Variants in CFAP61 observed in about 807,000 individuals in gnomAD.
CFAP61 encodes the protein cilia and flagella associated protein 61, also known as cilia- and flagella-associated protein 61.
Under a neutral mutation model 135.6 loss-of-function variants are expected in CFAP61, and 107 were observed. The ratio of observed to expected loss-of-function variants is 0.79; its 90% CI spans 0.67 to 0.93. CFAP61 has a LOEUF of 0.93. Ranked by LOEUF, CFAP61 falls within the 40% of genes least tolerant of loss-of-function variation. The probability of loss-of-function intolerance (pLI) is 0.00; values close to 1 mark genes in which losing one functional copy is unlikely to be tolerated. For synonymous variants in CFAP61, 575 were observed against 578.5 expected, an observed-to-expected ratio of 0.99 and a Z score of 0.09; for missense variants, 1,507 against 1,556.2, an observed-to-expected ratio of 0.97 and a Z score of 0.53.
intron 25 of CFAP61, among the ~76,000 whole-genome samples, chr20:20,315,873 C>A (rs1269887914): frequency 6.6e-6 from 1 of 152,128 alleles, no homozygotes; most frequent in Non-Finnish European, 1.5e-5. Flanking sequence ...TTTCTGAGGG[C>A]TCTGTTCTGT....
chr20:20,126,765 T>C (rs910638462), intron 8 of CFAP61, among the ~76,000 whole-genome samples: 1 of 151,920 alleles, frequency 6.6e-6, no homozygotes, highest in African/African-American at 2.4e-5. Flanking sequence ...TCCAGGTCTC[T>C]AGCAAGGCTG....
intron 17 of CFAP61, among the ~76,000 whole-genome samples, chr20:20,211,340 G>A (rs188348780): frequency 1.3e-5 from 2 of 152,328 alleles, no homozygotes; most frequent in Admixed American, 1.3e-4. Flanking sequence ...ACAGTCCTCA[G>A]TTCTCAATCT....
chr20:20,109,403 C>T (rs1200917804), intron 8 of CFAP61, among the ~76,000 whole-genome samples: 2 of 152,144 alleles, frequency 1.3e-5, no homozygotes, highest in Non-Finnish European at 2.9e-5. Flanking sequence ...AGCATCCCAC[C>T]ACAGGTACTT....
chr20:20,322,747 C>T (rs1215091680), intron 25 of CFAP61: 5 of 985,082 alleles, frequency 5.1e-6, no homozygotes, highest in Non-Finnish European at 6.0e-6. Context: ...CAGAAGAGAT[C>T]ATTAGAGGGT....
intron 18 of CFAP61, among the ~76,000 whole-genome samples, chr20:20,245,612 T>C (rs2050387202): frequency 6.6e-6 from 1 of 152,160 alleles, no homozygotes; most frequent in South Asian, 2.1e-4. Context: ...ACTATATCAA[T>C]GGTCTTCGCA....
At chr20:20,320,711 T>C (rs1321163452) in intron 25 of CFAP61, among the ~76,000 whole-genome samples, 1 of 149,654 alleles carries the variant, frequency 6.7e-6, no homozygotes, top group Non-Finnish European at 1.5e-5. Context: ...TGGGAGCTCA[T>C]TATAGGTATA....
At chr20:20,249,819 C>T (rs1374440648) in intron 19 of CFAP61, among the ~76,000 whole-genome samples, 3 of 152,322 alleles carry the variant, frequency 2.0e-5, no homozygotes, top group Admixed American at 6.5e-5. Context: ...AATCCCTGTG[C>T]ACTAACTGTA....
intron 1 of CFAP61, among the ~76,000 whole-genome samples, chr20:20,053,313 A>G (rs773504471): frequency 1.2e-4 from 19 of 152,218 alleles, no homozygotes; most frequent in South Asian, 4.1e-4. Flanking sequence ...TCCTCCCTCC[A>G]CAGCTTCCTG....
intron 7 of CFAP61, among the ~76,000 whole-genome samples, chr20:20,098,098 A>AG (rs767741247): frequency 3.3e-5 from 5 of 152,160 alleles, no homozygotes; most frequent in Non-Finnish European, 7.3e-5. Context: ...CAATGGTTGA[A>AG]GGGTCAAGAA....
chr20:20,214,913 T>G (rs2047933728), intron 17 of CFAP61: 1 of 152,244 alleles, frequency 6.6e-6, no homozygotes, highest in African/African-American at 2.4e-5. Flanking sequence ...GAGAGAAGCA[T>G]CCACAGGGAG....
Position 20,199,825 on chromosome 20 carries a change from C to G in CFAP61, c.1855C>G (p.Arg619Gly), listed in dbSNP as rs1386251142. The change falls in exon 17 of 27, where the codon CGA (arginine) becomes GGA (glycine). Residue 619 changes from arginine to glycine, a missense_variant. Arg to Gly is a moderately radical substitution (Grantham distance 125, BLOSUM62 -2). Coordinates refer to ENST00000245957, the MANE Select transcript of CFAP61 (RefSeq NM_015585.4). ...TGCCCTTCATTACTTGGTTCCCGTG[C>G]GACCACGACGACAGATTGTCTATCC... Reference protein sequence around the residue: ...TSALHYLVPVRPRRQIVYPLE... With the variant: ...TSALHYLVPVGPRRQIVYPLE... The G allele has an allele frequency of 6.2e-7, 1 of 1,614,128 alleles. No individual in the cohort carries two copies. Among genetic ancestry groups the G allele is most frequent in the South Asian group, 1.1e-5 (1 of 91,080 alleles).
chr20:20,286,228 TC>T (rs1029883134), intron 22 of CFAP61, among the ~76,000 whole-genome samples: 5 of 152,180 alleles, frequency 3.3e-5, no homozygotes, highest in African/African-American at 1.2e-4. Context: ...TGATGTTTTG[TC>T]CCCACATCAA....
intron 18 of CFAP61, among the ~76,000 whole-genome samples, chr20:20,231,268 C>CACAGACACATCTCCTTGTCTGTGG (rs2049116579): frequency 6.6e-6 from 1 of 152,134 alleles, no homozygotes; most frequent in Non-Finnish European, 1.5e-5. Context: ...AGTTAATCTG[C>CACAGACACATCTCCTTGTCTGTGG]ACAGACACAT....
At chr20:20,238,389 T>A (rs1569175840) in intron 18 of CFAP61, among the ~76,000 whole-genome samples, 1 of 152,268 alleles carries the variant, frequency 6.6e-6, no homozygotes, top group African/African-American at 2.4e-5. Flanking sequence ...AATATTTTTG[T>A]CACTGTTTTG....
intron 8 of CFAP61, among the ~76,000 whole-genome samples, chr20:20,127,150 T>C (rs1421699588): frequency 6.6e-6 from 1 of 151,794 alleles, no homozygotes; most frequent in Non-Finnish European, 1.5e-5. Flanking sequence ...TTTCCTTGCA[T>C]TGGGCTTCGC....
At chr20:20,089,548 A>T (rs2146612147) in intron 6 of CFAP61, among the ~76,000 whole-genome samples, 1 of 151,986 alleles carries the variant, frequency 6.6e-6, no homozygotes, top group Non-Finnish European at 1.5e-5. Flanking sequence ...AGAAAAAAAT[A>T]ACACAATGCT....
At chr20:20,196,505 A>G (rs1251261768) in intron 15 of CFAP61, 65 bp from the exon 16 acceptor site, 2 of 1,225,052 alleles carry the variant, frequency 1.6e-6, no homozygotes, top group Admixed American at 1.7e-5. Flanking sequence ...AAAGATATTT[A>G]TCACAAAATG....
rs750015159 is a variant in CFAP61, at chr20:20,070,978, G to C, written c.268G>C (p.Glu90Gln). 5.0e-6 allele frequency: 8 copies of C among 1,614,052 alleles called. No individual in the cohort carries two copies. The Admixed American group carries it at 1.2e-4, about 24-fold the overall frequency. Residue 90 changes from glutamate to glutamine, a missense_variant, in exon 3 of 27, where the codon GAG (glutamate) becomes CAG (glutamine). Glu to Gln is a conservative substitution (Grantham distance 29, BLOSUM62 2). Coordinates refer to ENST00000245957, the MANE Select transcript of CFAP61 (RefSeq NM_015585.4). ...KQDDWVSVFR[E>Q]LDSDIPCTPL... The stretch of plus-strand genomic sequence containing the variant: ...GGATGACTGGGTGTCAGTGTTCCGG[G>C]AGCTCGACAGTGACATCCCATGCAC...
At chr20:20,052,645 C>A in intron 1 of CFAP61, 54 bp downstream of exon 1, 2 of 1,613,386 alleles carry the variant, frequency 1.2e-6, no homozygotes, top group Non-Finnish European at 1.7e-6. Context: ...TGCAGGGCGT[C>A]CAGGGCGCAT....
Sources: gnomAD v4.1 joint callset for allele counts (sites outside exome capture counted in the v4.1 genomes callset) on GRCh38, gnomAD v4.1.1 for gene constraint, MANE v1.5 for transcripts, NCBI Gene and HGNC (gene_info 2026-07-23, HGNC 2026-07-21) for gene names.